The following FLYWCH2 variants were observed in gnomAD, a reference collection of about 807,000 sequenced individuals.
FLYWCH2 encodes the protein FLYWCH family member 2.
Under a neutral mutation model 6.0 loss-of-function variants are expected in FLYWCH2, and 2 were observed. That is an observed-to-expected ratio of 0.33 (90% confidence interval 0.14 to 1.04). FLYWCH2 has a LOEUF of 1.04. Among genes scored for constraint, FLYWCH2 ranks in the 50% least tolerant of loss-of-function variants. FLYWCH2 has a pLI of 0.45. For synonymous variants in FLYWCH2, 87 were observed against 79.3 expected (o/e 1.10, Z -0.52); for missense variants, 192 against 183.4 (o/e 1.05, Z -0.27).
chr16:2,889,532 G>C (rs545091227), intron 1 of FLYWCH2, among the ~76,000 whole-genome samples: 1 of 137,096 alleles, frequency 7.3e-6, no homozygotes, highest in African/African-American at 2.7e-5. Flanking sequence ...TAAAGAAAAA[G>C]CACTAGGAAA....
At position 2,895,210 on chromosome 16, in the gene FLYWCH2, G is replaced by C. The variant is rs1294750221; in HGVS notation, c.-199-10G>C. On this transcript the variant is annotated splice_polypyrimidine_tract_variant and intron_variant, in intron 1 of 3. Coordinates refer to ENST00000396958, the MANE Select transcript of FLYWCH2 (RefSeq NM_138439.3). ...TACAGGGTTACAACCCATCCTTTCT[G>C]CTTCTCCAGGCCAGAAGCCAAGGAG... 6.6e-6 allele frequency: 1 copy of C among 152,308 alleles called. No homozygotes were observed. Among genetic ancestry groups the C allele is most frequent in the Non-Finnish European group, 1.5e-5 (1 of 68,154 alleles). 9.4% of individuals were successfully genotyped at this position (152,308 alleles called of 1,614,324 possible). A position where few individuals can be genotyped will look rare whatever the true frequency, so the allele number is the denominator to read the frequency against.
chr16:2,888,802 T>C (rs2069725702), intron 1 of FLYWCH2, among the ~76,000 whole-genome samples: 1 of 152,058 alleles, frequency 6.6e-6, no homozygotes, highest in Non-Finnish European at 1.5e-5. Context: ...AACCTTCACT[T>C]CTCTGAGATT....
chr16:2,895,071 G>A (rs1231621322), intron 1 of FLYWCH2, 149 bp from the exon 2 acceptor site: 2 of 152,204 alleles, frequency 1.3e-5, no homozygotes, highest in Non-Finnish European at 2.9e-5. Flanking sequence ...AGACCCCATG[G>A]TCTGCCCACC....
In FLYWCH2 at chr16:2,898,980, C is replaced by A. The variant is rs2069852512; in HGVS notation, c.323-69C>A. 14 of 1,291,188 alleles carry A rather than the reference C, an allele frequency of 1.1e-5. 1 individual carries two copies. In the South Asian group the frequency reaches 1.9e-4, roughly 18 times the overall value. 80.0% of individuals were successfully genotyped at this position (1,291,188 alleles called of 1,614,324 possible). A position where few individuals can be genotyped will look rare whatever the true frequency, so the allele number is the denominator to read the frequency against. On this transcript the variant is annotated intron_variant, in intron 3 of 3. Coordinates refer to ENST00000396958, the MANE Select transcript of FLYWCH2 (RefSeq NM_138439.3). Reference sequence around the variant, plus strand: ...TGGGGTGAGAGTGAGGCCTGGTAGACCCCCAACAGCCAAGCTGAGCCCTCC... The same window carrying A: ...TGGGGTGAGAGTGAGGCCTGGTAGAACCCCAACAGCCAAGCTGAGCCCTCC...
At chr16:2,892,180 G>A (rs1045616079) in intron 1 of FLYWCH2, among the ~76,000 whole-genome samples, 9 of 149,296 alleles carry the variant, frequency 6.0e-5, no homozygotes, top group Non-Finnish European at 1.3e-4. Context: ...TGGGAAGAGC[G>A]AGACTTCATC....
chr16:2,891,329 G>A (rs946120855), intron 1 of FLYWCH2, among the ~76,000 whole-genome samples: 1 of 152,166 alleles, frequency 6.6e-6, no homozygotes, highest in African/African-American at 2.4e-5. Context: ...TGTGGCTCTG[G>A]GCAGATCACT....
chr16:2,896,504 G>A lies in FLYWCH2; in HGVS notation c.55G>A (p.Glu19Lys). The A allele has an allele frequency of 6.2e-7, 1 of 1,614,072 alleles. No individual in the cohort carries two copies. Among genetic ancestry groups the A allele is most frequent in the South Asian group, 1.1e-5 (1 of 91,084 alleles). Residue 19 changes from glutamate to lysine, a missense_variant, in exon 3 of 4, where the codon GAG (glutamate) becomes AAG (lysine). Physicochemically the swap from Glu to Lys is moderately conservative, Grantham distance 56 (BLOSUM62 1). Coordinates refer to ENST00000396958, the MANE Select transcript of FLYWCH2 (RefSeq NM_138439.3). ...QEGESVKASQ[E>K]PSPKPGTEVI... ...GGGTGAGAGTGTGAAGGCCAGCCAG[G>A]AGCCATCCCCCAAGCCAGGCACAGA...
intron 1 of FLYWCH2, among the ~76,000 whole-genome samples, chr16:2,891,040 A>G (rs547670268): frequency 6.6e-6 from 1 of 152,268 alleles, no homozygotes; most frequent in South Asian, 2.1e-4. Context: ...GCTTGGACTC[A>G]TGGATATTTA....
intron 1 of FLYWCH2, among the ~76,000 whole-genome samples, chr16:2,888,840 T>C (rs1282739548): frequency 6.6e-6 from 1 of 152,126 alleles, no homozygotes; most frequent in Non-Finnish European, 1.5e-5. Context: ...TGCAGCTTCA[T>C]GAGCTAGAGC....
intron 3 of FLYWCH2, among the ~76,000 whole-genome samples, chr16:2,898,194 A>G (rs1004022809): frequency 2.0e-5 from 3 of 152,188 alleles, no homozygotes; most frequent in African/African-American, 7.2e-5. Flanking sequence ...CCGCAGCCAC[A>G]GGCTTGGAGC....
intron 1 of FLYWCH2, among the ~76,000 whole-genome samples, chr16:2,892,967 TATA>T (rs2069776117): frequency 7.0e-6 from 1 of 142,514 alleles, no homozygotes; most frequent in African/African-American, 2.6e-5. Context: ...ATATATCGTA[TATA>T]ATATATATTA....
chr16:2,892,792 C>T lies in FLYWCH2; in HGVS notation c.-199-2428C>T, dbSNP rs182429634. On this transcript the variant is annotated intron_variant, in intron 1 of 3. Coordinates refer to ENST00000396958, the MANE Select transcript of FLYWCH2 (RefSeq NM_138439.3). ...CCAGGAGGTGGAGGTTGCAGTGATC[C>T]GAGATCACGCCACTGCACTCCAGCC... is the stretch of plus-strand genomic sequence containing the variant. Among the ~76,000 whole-genome samples, 1,245 of 149,960 alleles carry T rather than the reference C, an allele frequency of 8.3e-3. 12 individuals carry two copies. The highest frequency in any genetic ancestry group is 0.013 in the Non-Finnish European group (877 of 67,410).
Position 2,899,184 on chromosome 16 carries a change from C to T in FLYWCH2, c.*35C>T, listed in dbSNP as rs748348062. The stretch of plus-strand genomic sequence containing the variant: ...CAGGCGCATCCTCCCAGGCCACCAA[C>T]CCAGCCATAGGCTCTTCTCTGTCCG... On this transcript the variant is annotated 3_prime_UTR_variant, in exon 4 of 4. Transcript: ENST00000396958. 4.5e-6 allele frequency: 7 copies of T among 1,542,318 alleles called. No individual in the cohort carries two copies. The African/African-American group carries it at 8.2e-5, about 18-fold the overall frequency.
intron 3 of FLYWCH2, among the ~76,000 whole-genome samples, chr16:2,898,502 G>T (rs1028605839): frequency 2.6e-5 from 4 of 152,214 alleles, no homozygotes; most frequent in African/African-American, 9.6e-5. Context: ...GAGGGCAGAG[G>T]GGGTTGGAGT....
chr16:2,891,362 G>A (rs1053080550), intron 1 of FLYWCH2, among the ~76,000 whole-genome samples: 2 of 152,166 alleles, frequency 1.3e-5, no homozygotes, highest in Non-Finnish European at 2.9e-5. Flanking sequence ...GCAGGCAGGA[G>A]GACCAGAGTG....
chr16:2,889,410 C>A (rs2069731964), intron 1 of FLYWCH2, among the ~76,000 whole-genome samples: 1 of 151,802 alleles, frequency 6.6e-6, no homozygotes, highest in African/African-American at 2.4e-5. Flanking sequence ...TGGCATTTCA[C>A]CGTGTTAGCC....
At chr16:2,890,149 A>C (rs2878435) in intron 1 of FLYWCH2, among the ~76,000 whole-genome samples, 130,352 of 151,960 alleles carry the variant, frequency 0.86, 56,125 homozygotes, top group Non-Finnish European at 0.88. Context: ...TCACTAATGC[A>C]CTTTTTGTGT....
chr16:2,899,120 T>A lies in FLYWCH2; in HGVS notation c.394T>A (p.Cys132Ser). Residue 132 changes from cysteine (C) to serine (S), a missense_variant, in exon 4 of 4, where the codon TGC becomes AGC. Cys to Ser is a moderately radical substitution (Grantham distance 112). Coordinates refer to ENST00000396958, the MANE Select transcript of FLYWCH2 (RefSeq NM_138439.3). ...GGCTGCTGGGGAGAACTTTGCCCCC[T>A]GCTCTGTGGCGCCCGGCAAGTCCCT... Reference protein sequence around the residue: ...PEAAGENFAPCSVAPGKSL With the variant: ...PEAAGENFAPSSVAPGKSL 6.2e-7 allele frequency: 1 copy of A among 1,613,476 alleles called. No individual in the cohort carries two copies. The highest frequency in any genetic ancestry group is 8.5e-7 in the Non-Finnish European group (1 of 1,179,754).
chr16:2,887,034 G>C (rs1304625594), intron 1 of FLYWCH2, among the ~76,000 whole-genome samples: 1 of 151,996 alleles, frequency 6.6e-6, no homozygotes, highest in African/African-American at 2.4e-5. Flanking sequence ...TTGGTTGTTT[G>C]TGCCTTTCAT....
Sources: allele counts gnomAD v4.1 joint callset (sites outside exome capture counted in the v4.1 genomes callset), GRCh38; gene constraint gnomAD v4.1.1; transcripts MANE v1.5; gene names NCBI Gene and HGNC (gene_info 2026-07-23, HGNC 2026-07-21).